The following ERC2 variants were observed in gnomAD, a reference collection of about 807,000 sequenced individuals.
The protein encoded by ERC2 is ERC protein 2.
ERC2 carries 42 observed loss-of-function variants against 114.8 expected under a neutral mutation model. That is an observed-to-expected ratio of 0.37 (90% confidence interval 0.29 to 0.47). ERC2 has a LOEUF of 0.47. Among genes scored for constraint, ERC2 ranks in the 20% least tolerant of loss-of-function variants. The probability of loss-of-function intolerance (pLI) is 0.99; values close to 1 mark genes in which losing one functional copy is unlikely to be tolerated. For synonymous variants in ERC2, 454 were observed against 425.5 expected, an observed-to-expected ratio of 1.07 and a Z score of -0.82; for missense variants, 939 against 1,150.7, an observed-to-expected ratio of 0.82 and a Z score of 2.66.
intron 6 of ERC2, among the ~76,000 whole-genome samples, chr3:56,108,956 A>G (rs2078813028): frequency 6.6e-6 from 1 of 152,226 alleles, no homozygotes; most frequent in Non-Finnish European, 1.5e-5. Context: ...TTATATTAAG[A>G]TAAATTAAAC....
At chr3:55,957,699 G>A (rs565791494) in intron 12 of ERC2, among the ~76,000 whole-genome samples, 62 of 152,266 alleles carry the variant, frequency 4.1e-4, no homozygotes, top group African/African-American at 1.2e-3. Context: ...TGACTACTAC[G>A]CACAGCCAGG....
intron 1 of ERC2, among the ~76,000 whole-genome samples, chr3:56,464,705 A>G (rs1022765644): frequency 2.0e-5 from 3 of 152,218 alleles, no homozygotes; most frequent in Non-Finnish European, 4.4e-5. Flanking sequence ...CTACATTACC[A>G]TGAATATTGG....
rs550446601 is a variant in ERC2, at chr3:55,556,637, T to C, written c.*40-45361A>G. ...TGTGGATCTGAATCTGGAAGGATGATGGCTGGCAGCCATTTGCTACCAACA... is the reference window on the plus strand; with the variant it reads ...TGTGGATCTGAATCTGGAAGGATGACGGCTGGCAGCCATTTGCTACCAACA... On this transcript the variant is annotated intron_variant, in intron 17 of 17. Transcript: ENST00000288221. Among the ~76,000 whole-genome samples the C allele has an allele frequency of 2.6e-5, 4 of 152,300 alleles. No individual in the cohort carries two copies. The South Asian group carries it at 6.2e-4, about 24-fold the overall frequency.
chr3:56,117,347 A>C (rs1298754185), intron 6 of ERC2, among the ~76,000 whole-genome samples: 1 of 152,154 alleles, frequency 6.6e-6, no homozygotes, highest in Admixed American at 6.5e-5. Context: ...TATTACCTGG[A>C]TTTCCCCATG....
chr3:55,562,159 T>C (rs1051474693), intron 17 of ERC2, among the ~76,000 whole-genome samples: 6 of 152,178 alleles, frequency 3.9e-5, no homozygotes, highest in African/African-American at 1.2e-4. Flanking sequence ...CTGCCTTCTT[T>C]TTCTTTTTTG....
intron 14 of ERC2, among the ~76,000 whole-genome samples, chr3:55,770,642 T>C (rs995444566): frequency 6.6e-6 from 1 of 152,218 alleles, no homozygotes; most frequent in Non-Finnish European, 1.5e-5. Flanking sequence ...AATTATACTT[T>C]AAGTTCTGGG....
intron 17 of ERC2, among the ~76,000 whole-genome samples, chr3:55,543,482 C>T (rs185231276): frequency 5.9e-4 from 90 of 152,322 alleles, no homozygotes; most frequent in African/African-American, 1.8e-3. Context: ...GGCTCCAGTG[C>T]GGTCACAAAC....
At chr3:56,457,532 G>A (rs1333879330) in intron 1 of ERC2, among the ~76,000 whole-genome samples, 1 of 152,080 alleles carries the variant, frequency 6.6e-6, no homozygotes, top group Non-Finnish European at 1.5e-5. Context: ...AATAAAAGGA[G>A]AATAAAGAGA....
intron 2 of ERC2, among the ~76,000 whole-genome samples, chr3:56,414,542 G>A (rs1286766423): frequency 6.6e-6 from 1 of 151,956 alleles, no homozygotes; most frequent in African/African-American, 2.4e-5. Flanking sequence ...CTAACATGGT[G>A]AATTATTTAG....
At chr3:55,586,446 C>T (rs2057607133) in intron 17 of ERC2, among the ~76,000 whole-genome samples, 1 of 152,200 alleles carries the variant, frequency 6.6e-6, no homozygotes, top group Admixed American at 6.5e-5. Context: ...GATATTTCCC[C>T]ATTCTAAATT....
intron 13 of ERC2, among the ~76,000 whole-genome samples, chr3:55,945,610 C>G (rs1353271953): frequency 6.6e-6 from 1 of 152,074 alleles, no homozygotes; most frequent in Non-Finnish European, 1.5e-5. Flanking sequence ...GATTCCAACT[C>G]TAATTGGAGG....
At chr3:55,715,307 T>C (rs1184409715) in intron 15 of ERC2, among the ~76,000 whole-genome samples, 1 of 152,192 alleles carries the variant, frequency 6.6e-6, no homozygotes, top group Non-Finnish European at 1.5e-5. Context: ...ACTGTCTATC[T>C]GAATGTCACA....
chr3:56,249,855 C>CTTTTTTT (rs34668162), intron 3 of ERC2, among the ~76,000 whole-genome samples: 8 of 112,810 alleles, frequency 7.1e-5, no homozygotes, highest in African/African-American at 1.1e-4. Context: ...CATCAAATTT[C>CTTTTTTT]TTTTTTTTTT....
intron 7 of ERC2, among the ~76,000 whole-genome samples, chr3:56,019,448 A>G (rs2073548211): frequency 1.3e-5 from 2 of 152,188 alleles, no homozygotes; most frequent in Admixed American, 6.5e-5. Flanking sequence ...ACCAAGTACC[A>G]TATCAGTATA....
At chr3:56,020,165 C>A (rs748040285) in intron 7 of ERC2, among the ~76,000 whole-genome samples, 2 of 152,150 alleles carry the variant, frequency 1.3e-5, no homozygotes, top group Non-Finnish European at 2.9e-5. Flanking sequence ...GATGCAAAGA[C>A]AATGGCTCTG....
intron 2 of ERC2, among the ~76,000 whole-genome samples, chr3:56,358,675 C>T (rs532037395): frequency 9.2e-5 from 14 of 152,334 alleles, no homozygotes; most frequent in African/African-American, 3.1e-4. Context: ...TTCCTCAGTT[C>T]AAATCTCAAC....
At chr3:55,890,573 T>C (rs553918870) in intron 13 of ERC2, among the ~76,000 whole-genome samples, 2 of 152,190 alleles carry the variant, frequency 1.3e-5, no homozygotes, top group Non-Finnish European at 2.9e-5. Flanking sequence ...CACTAGCTAG[T>C]TCTACATTAA....
intron 1 of ERC2, among the ~76,000 whole-genome samples, chr3:56,437,738 G>A (rs961285549): frequency 6.6e-6 from 1 of 152,218 alleles, no homozygotes; most frequent in Middle Eastern, 3.4e-3. Flanking sequence ...AAAAAAGAGG[G>A]GATCAATAGT....
intron 17 of ERC2, among the ~76,000 whole-genome samples, chr3:55,638,230 C>T (rs1357860562): frequency 6.6e-6 from 1 of 152,334 alleles, no homozygotes; most frequent in East Asian, 1.9e-4. Context: ...TGTCAACACA[C>T]ATCCCAACCT....
Sources: allele counts gnomAD v4.1 joint callset (sites outside exome capture counted in the v4.1 genomes callset), GRCh38; gene constraint gnomAD v4.1.1; transcripts MANE v1.5; gene names NCBI Gene and HGNC (gene_info 2026-07-23, HGNC 2026-07-21).